Variants in PLD5 observed in about 807,000 individuals in gnomAD.
The protein encoded by PLD5 is inactive phospholipase D5.
In PLD5, 36 loss-of-function variants were observed where a neutral mutation model predicts 61.1. The observed-to-expected ratio is 0.59, with a 90% confidence interval of 0.45 to 0.78. The LOEUF is 0.78. Ranked by LOEUF, PLD5 falls within the 30% of genes least tolerant of loss-of-function variation. The pLI is 0.00. For missense variants in PLD5, 515 were observed against 644.4 expected, an observed-to-expected ratio of 0.80 and a Z score of 2.17; for synonymous variants, 243 against 242.8, an observed-to-expected ratio of 1.00 and a Z score of -0.01.
intron 1 of PLD5, among the ~76,000 whole-genome samples, chr1:242,407,357 T>C (rs981767206): frequency 2.0e-5 from 3 of 152,164 alleles, no homozygotes; most frequent in Non-Finnish European, 4.4e-5. Context: ...AAGAATGGAC[T>C]AATACATATA....
chr1:242,254,444 C>T (rs1028877701), intron 4 of PLD5, among the ~76,000 whole-genome samples: 5 of 151,778 alleles, frequency 3.3e-5, no homozygotes, highest in Admixed American at 6.6e-5. Flanking sequence ...CTGAGGCAGG[C>T]GGATCACCTG....
At chr1:242,136,731 G>A (rs1227085153) in intron 5 of PLD5, among the ~76,000 whole-genome samples, 1 of 152,182 alleles carries the variant, frequency 6.6e-6, no homozygotes, top group Non-Finnish European at 1.5e-5. Context: ...TTTAGAAAGT[G>A]TCAATATTCA....
At chr1:242,424,843 T>C (rs1426169645) in intron 1 of PLD5, among the ~76,000 whole-genome samples, 2 of 152,116 alleles carry the variant, frequency 1.3e-5, no homozygotes, top group African/African-American at 4.8e-5. Flanking sequence ...TACAATCATG[T>C]GTTGCTGACC....
intron 2 of PLD5, chr1:242,345,811 C>T: frequency 4.7e-6 from 2 of 428,582 alleles, no homozygotes; most frequent in South Asian, 5.6e-5. Flanking sequence ...GCAACCCTAC[C>T]TCCTCATCCT....
chr1:242,200,108 G>A (rs1378640514), intron 5 of PLD5, among the ~76,000 whole-genome samples: 2 of 152,202 alleles, frequency 1.3e-5, no homozygotes, highest in African/African-American at 4.8e-5. Flanking sequence ...GAAGCAGTGA[G>A]TAAATGGACT....
chr1:242,511,245 G>A (rs1002059354), intron 1 of PLD5, among the ~76,000 whole-genome samples: 5 of 152,040 alleles, frequency 3.3e-5, no homozygotes, highest in South Asian at 2.1e-4. Flanking sequence ...AGGGGTCTAC[G>A]GATATAAATA....
intron 5 of PLD5, among the ~76,000 whole-genome samples, chr1:242,149,091 GA>G (rs892920845): frequency 1.1e-5 from 1 of 94,486 alleles, no homozygotes; most frequent in African/African-American, 5.2e-5. Context: ...ACCTTAAGGG[GA>G]AAGCATTTAG....
chr1:242,371,829 A>T (rs1661650958), intron 1 of PLD5, among the ~76,000 whole-genome samples: 1 of 152,142 alleles, frequency 6.6e-6, no homozygotes, highest in Admixed American at 6.6e-5. Flanking sequence ...GAAGAGAGGA[A>T]GAAAAACATT....
intron 5 of PLD5, among the ~76,000 whole-genome samples, chr1:242,174,432 C>A (rs1666980108): frequency 6.6e-6 from 1 of 151,964 alleles, no homozygotes. Flanking sequence ...GAAATAGGAA[C>A]ACTTTTACAC....
chr1:242,436,921 C>T (rs191294112), intron 1 of PLD5, among the ~76,000 whole-genome samples: 46 of 152,154 alleles, frequency 3.0e-4, no homozygotes, highest in South Asian at 1.3e-3. Flanking sequence ...CAAAAAGAAG[C>T]CTCTTGGAAT....
intron 5 of PLD5, among the ~76,000 whole-genome samples, chr1:242,197,876 T>G (rs1393267816): frequency 6.6e-6 from 1 of 152,134 alleles, no homozygotes; most frequent in Non-Finnish European, 1.5e-5. Flanking sequence ...TCATGTGATC[T>G]GCCCACCTCG....
intron 6 of PLD5, among the ~76,000 whole-genome samples, chr1:242,116,782 T>C (rs1194447270): frequency 1.3e-5 from 2 of 152,202 alleles, no homozygotes; most frequent in Non-Finnish European, 2.9e-5. Context: ...CCATGGTGCA[T>C]ATGTACCATA....
chr1:242,389,781 A>C (rs1168680348), intron 1 of PLD5, among the ~76,000 whole-genome samples: 1 of 152,034 alleles, frequency 6.6e-6, no homozygotes, highest in Non-Finnish European at 1.5e-5. Context: ...GGCCCCTAAT[A>C]TATTTAAGCA....
At chr1:242,510,045 T>G (rs140994501) in intron 1 of PLD5, among the ~76,000 whole-genome samples, 11 of 152,334 alleles carry the variant, frequency 7.2e-5, no homozygotes, top group Middle Eastern at 3.4e-3. Flanking sequence ...TATCCATCTT[T>G]TCTTCGTTCT....
In PLD5 at chr1:242,411,076, GAAAT is replaced by G. The variant is rs540543410; in HGVS notation, c.190-62838_190-62835del. Reference sequence around the variant, plus strand: ...ATGATCTAAGATGACTTTGATAAGAGAAATAAATCACGATTAACAGAAAGAATCA... The same window carrying G: ...ATGATCTAAGATGACTTTGATAAGAGAAATCACGATTAACAGAAAGAATCA... On this transcript the variant is annotated intron_variant, in intron 1 of 9. Transcript: ENST00000536534. Among the ~76,000 whole-genome samples, 324 of 152,232 alleles carry G rather than the reference GAAAT, an allele frequency of 2.1e-3. 2 individuals carry two copies. Among genetic ancestry groups the G allele is most frequent in the East Asian group, 0.014 (75 of 5,176 alleles).
chr1:242,469,836 T>A (rs946395047), intron 1 of PLD5, among the ~76,000 whole-genome samples: 22 of 152,068 alleles, frequency 1.4e-4, no homozygotes, highest in African/African-American at 5.3e-4. Flanking sequence ...CAGACTGCTG[T>A]GTAGGTCCAG....
At chr1:242,508,393 T>C (rs1226512759) in intron 1 of PLD5, among the ~76,000 whole-genome samples, 1 of 152,012 alleles carries the variant, frequency 6.6e-6, no homozygotes, top group Non-Finnish European at 1.5e-5. Flanking sequence ...AAAATTTTGT[T>C]AGGTGACCAG....
At chr1:242,292,896 C>T (rs4339846) in intron 2 of PLD5, among the ~76,000 whole-genome samples, 144,848 of 152,248 alleles carry the variant, frequency 0.95, 69,157 homozygotes, top group Middle Eastern at 0.99. Flanking sequence ...TTAACACTTT[C>T]AGTTTCCTTT....
At chr1:242,244,128 G>A (rs1222667267) in intron 4 of PLD5, among the ~76,000 whole-genome samples, 1 of 152,180 alleles carries the variant, frequency 6.6e-6, no homozygotes, top group Non-Finnish European at 1.5e-5. Flanking sequence ...GTTGGCCTAT[G>A]GTTGGGCAGG....
Sources: allele counts gnomAD v4.1 joint callset (sites outside exome capture counted in the v4.1 genomes callset), GRCh38; gene constraint gnomAD v4.1.1; transcripts MANE v1.5; gene names NCBI Gene and HGNC (gene_info 2026-07-23, HGNC 2026-07-21).